ARHGEF11: variants seen among roughly 807,000 people sequenced by gnomAD.
ARHGEF11 encodes the protein Rho guanine nucleotide exchange factor 11.
ARHGEF11 carries 55 observed loss-of-function variants against 193.7 expected under a neutral mutation model. The observed-to-expected ratio is 0.28, with a 90% CI of 0.23 to 0.36. ARHGEF11 has a LOEUF of 0.36. Ranked by LOEUF, ARHGEF11 falls within the 10% of genes least tolerant of loss-of-function variation. The pLI, the probability that ARHGEF11 is intolerant of heterozygous loss-of-function variation, is 1.00. For synonymous variants in ARHGEF11, 693 were observed against 768.0 expected (o/e 0.90, Z 1.62); for missense variants, 1,723 against 2,005.6 (o/e 0.86, Z 2.69).
intron 1 of ARHGEF11, among the ~76,000 whole-genome samples, chr1:157,025,750 A>C (rs1670562349): frequency 6.6e-6 from 1 of 152,124 alleles, no homozygotes; most frequent in Admixed American, 6.6e-5. Context: ...AGAAGGGGGC[A>C]ATTTCAAAAG....
At chr1:156,963,343 A>C in intron 12 of ARHGEF11, 39 bp from the exon 13 acceptor site, 1 of 1,573,748 alleles carries the variant, frequency 6.4e-7, no homozygotes, top group South Asian at 1.1e-5. Context: ...GAAGCCGGGC[A>C]CAGCAGCACA....
rs199692478 is a variant in ARHGEF11, at chr1:156,959,177, G to C, written c.1283-35C>G. 126 of 1,580,696 alleles carry C rather than the reference G, an allele frequency of 8.0e-5. No homozygotes were observed. The African/African-American group carries it at 1.5e-3, about 18-fold the overall frequency. ...GAGATCAGAGAAAGCAGAGTGGATG[G>C]GGTACTGGGGGTGGAGGGGGATCCC... is the stretch of plus-strand genomic sequence containing the variant. On this transcript the variant is annotated intron_variant, in intron 15 of 40. Coordinates refer to ENST00000368194, the MANE Select transcript of ARHGEF11 (RefSeq NM_198236.3).
At chr1:157,029,824 AAGTACTTATAC>A (rs1259033902) in intron 1 of ARHGEF11, among the ~76,000 whole-genome samples, 2 of 152,224 alleles carry the variant, frequency 1.3e-5, no homozygotes, top group Non-Finnish European at 2.9e-5. Context: ...AAAAAGAATG[AAGTACTTATAC>A]ACACTAAAAC....
At chr1:157,009,976 G>GA (rs1243706164) in intron 1 of ARHGEF11, among the ~76,000 whole-genome samples, 3 of 152,054 alleles carry the variant, frequency 2.0e-5, no homozygotes, top group African/African-American at 2.4e-5. Flanking sequence ...AAAAACAGAT[G>GA]AAAACCCCAC....
intron 37 of ARHGEF11, 125 bp from the exon 38 acceptor site, chr1:156,938,638 A>C: frequency 1.3e-6 from 1 of 778,558 alleles, no homozygotes; most frequent in Non-Finnish European, 2.1e-6. Flanking sequence ...GGGAAGAACA[A>C]GGTGAACACA....
chr1:156,958,347 A>G (rs914634155), intron 17 of ARHGEF11, among the ~76,000 whole-genome samples: 1 of 152,194 alleles, frequency 6.6e-6, no homozygotes, highest in African/African-American at 2.4e-5. Context: ...AATTTCCCCT[A>G]AGCCAGTTCT....
chr1:157,035,026 G>A (rs949764172), intron 1 of ARHGEF11, among the ~76,000 whole-genome samples: 7 of 152,164 alleles, frequency 4.6e-5, no homozygotes, highest in Admixed American at 2.0e-4. Context: ...TGGTCTACCC[G>A]AAGCAGGGCG....
chr1:156,935,973 A>G lies in ARHGEF11; in HGVS notation c.*27T>C. ...GCCAGTCCCTGAAGGAGGAGTGGGG[A>G]CGCAGAGGATTTGGTGGTTTGTACG... On this transcript the variant is annotated 3_prime_UTR_variant, in exon 41 of 41. Coordinates refer to ENST00000368194, the MANE Select transcript of ARHGEF11 (RefSeq NM_198236.3). The G allele has an allele frequency of 6.2e-7, 1 of 1,603,064 alleles. No individual in the cohort carries two copies.
At position 156,935,742 on chromosome 1, in the gene ARHGEF11, C is replaced by A; in HGVS notation, c.*258G>T. 2.1e-6 allele frequency: 1 copy of A among 486,238 alleles called. No homozygotes were observed. The highest frequency in any genetic ancestry group is 3.2e-5 in the South Asian group (1 of 31,014). 30.1% of individuals were successfully genotyped at this position (486,238 alleles called of 1,614,324 possible). On this transcript the variant is annotated 3_prime_UTR_variant, in exon 41 of 41. Transcript: ENST00000368194. ...CAGACCATGGTGAGTGGGGGCCTTT[C>A]GGATGCAGTCAGCATGCTTAGGAGA...
At chr1:156,969,036 C>T (rs974834754) in intron 10 of ARHGEF11, among the ~76,000 whole-genome samples, 1 of 152,238 alleles carries the variant, frequency 6.6e-6, no homozygotes, top group Non-Finnish European at 1.5e-5. Context: ...GCCGCCCTCT[C>T]CACCCTACTC....
chr1:157,008,401 C>A (rs569982131), intron 1 of ARHGEF11, among the ~76,000 whole-genome samples: 1 of 34,356 alleles, frequency 2.9e-5, no homozygotes, highest in Admixed American at 4.3e-4. Context: ...GAAGCTTGCA[C>A]GCACGCACAC....
At chr1:156,964,825 C>G (rs1316413226) in intron 11 of ARHGEF11, among the ~76,000 whole-genome samples, 1 of 152,196 alleles carries the variant, frequency 6.6e-6, no homozygotes, top group Non-Finnish European at 1.5e-5. Context: ...GGTCTGAGAG[C>G]CCCAGAAGGT....
At chr1:156,958,645 G>A (rs541725115) in intron 17 of ARHGEF11, 97 bp downstream of exon 17, 1 of 1,541,414 alleles carries the variant, frequency 6.5e-7, no homozygotes, top group Non-Finnish European at 8.8e-7. Flanking sequence ...AATCAGGCAA[G>A]AAGTGGAAGA....
intron 1 of ARHGEF11, among the ~76,000 whole-genome samples, chr1:157,008,043 T>C (rs558814250): frequency 3.3e-5 from 5 of 152,014 alleles, no homozygotes; most frequent in Non-Finnish European, 5.9e-5. Flanking sequence ...TGCCTAACTC[T>C]ATTTAAACCT....
Position 156,984,318 on chromosome 1 carries a change from C to A in ARHGEF11, c.223+21G>T, listed in dbSNP as rs938092943. The A allele has an allele frequency of 1.9e-6, 3 of 1,560,626 alleles. No homozygotes were observed. The African/African-American group carries it at 4.0e-5, about 21-fold the overall frequency. On this transcript the variant is annotated intron_variant, in intron 3 of 40. Coordinates refer to ENST00000368194, the MANE Select transcript of ARHGEF11 (RefSeq NM_198236.3). ...CTTTGCAAGAACTGTCCACCGTGGGCAGGAGGGATGCAGCACTCACCAGGC... is the reference window on the plus strand; with the variant it reads ...CTTTGCAAGAACTGTCCACCGTGGGAAGGAGGGATGCAGCACTCACCAGGC...
chr1:157,042,056 AC>A (rs781523814), intron 1 of ARHGEF11, among the ~76,000 whole-genome samples: 41 of 152,338 alleles, frequency 2.7e-4, no homozygotes, highest in Admixed American at 3.9e-4. Flanking sequence ...GCCCAAAGTT[AC>A]AATTGAATAA....
chr1:156,937,352 T>C lies in ARHGEF11; in HGVS notation c.4337A>G (p.Asp1446Gly). The C allele has an allele frequency of 6.2e-7, 1 of 1,612,798 alleles. No homozygotes were observed. Among genetic ancestry groups the C allele is most frequent in the Non-Finnish European group, 8.5e-7 (1 of 1,179,410 alleles). Reference sequence around the variant, plus strand: ...AGGAGAGCGGCTGGGGCGTCTTGGATCATCGTTGCCTCCCTGCAGCTGAGG... The same window carrying C: ...AGGAGAGCGGCTGGGGCGTCTTGGACCATCGTTGCCTCCCTGCAGCTGAGG... ...PQPQLQGGND[D>G]PRRPSRSPPS... Residue 1446 changes from aspartate (D) to glycine (G), a missense_variant, in exon 39 of 41, where the codon GAT becomes GGT. Asp to Gly is a moderately conservative substitution (Grantham distance 94). Around this residue, in one of 5 missense-constraint regions of ARHGEF11, gnomAD observed 360 missense variants for 344.4 expected, o/e 1.05. Coordinates refer to ENST00000368194, the MANE Select transcript of ARHGEF11 (RefSeq NM_198236.3).
chr1:156,960,849 A>C lies in ARHGEF11; in HGVS notation c.1240-389T>G, dbSNP rs189055684. On this transcript the variant is annotated intron_variant, in intron 14 of 40. Coordinates refer to ENST00000368194, the MANE Select transcript of ARHGEF11 (RefSeq NM_198236.3). Reference sequence around the variant, plus strand: ...TCCCTCCCGCTCACTCCCATGGGAAAGCTAGCCTTGTGTCACCCAGCCTTG... The same window carrying C: ...TCCCTCCCGCTCACTCCCATGGGAACGCTAGCCTTGTGTCACCCAGCCTTG... Among the ~76,000 whole-genome samples, 328 of 152,292 alleles carry C rather than the reference A, an allele frequency of 2.2e-3. 2 individuals are homozygous for C. The highest frequency in any genetic ancestry group is 7.5e-3 in the African/African-American group (312 of 41,562).
intron 21 of ARHGEF11, among the ~76,000 whole-genome samples, chr1:156,954,163 C>T (rs1044064681): frequency 3.9e-5 from 6 of 152,014 alleles, no homozygotes; most frequent in South Asian, 2.1e-4. Flanking sequence ...GCGGATCGCC[C>T]GAGGTCAGGA....
Sources: gnomAD v4.1 joint callset for allele counts (sites outside exome capture counted in the v4.1 genomes callset) on GRCh38, gnomAD v4.1.1 for gene constraint, gnomAD v4.1.1 regional missense constraint, MANE v1.5 for transcripts, NCBI Gene and HGNC (gene_info 2026-07-23, HGNC 2026-07-21) for gene names.